LDLRAD4: variants seen among roughly 807,000 people sequenced by gnomAD.
The protein encoded by LDLRAD4 is low density lipoprotein receptor class A domain containing 4.
In LDLRAD4, 5 loss-of-function variants were observed where a neutral mutation model predicts 17.0. The ratio of observed to expected loss-of-function variants is 0.29; its 90% confidence interval spans 0.15 to 0.62. The LOEUF is 0.62. Among genes scored for constraint, LDLRAD4 ranks in the 20% least tolerant of loss-of-function variants. The pLI is 0.84. For synonymous variants in LDLRAD4, 168 were observed against 171.8 expected (o/e 0.98, Z 0.17); for missense variants, 340 against 424.7 (o/e 0.80, Z 1.75).
intron 2 of LDLRAD4, among the ~76,000 whole-genome samples, chr18:13,433,127 C>T (rs1171558285): frequency 6.6e-6 from 1 of 152,178 alleles, no homozygotes; most frequent in African/African-American, 2.4e-5. Flanking sequence ...TGTAAACTTA[C>T]ATTGTTTATG....
Position 13,404,515 on chromosome 18 carries a change from C to T in LDLRAD4, c.40+16753C>T, listed in dbSNP as rs148593215. Among the ~76,000 whole-genome samples, 146 of 152,224 alleles carry T rather than the reference C, an allele frequency of 9.6e-4. 5 individuals are homozygous for T. In the East Asian group the frequency reaches 0.023, roughly 24 times the overall value. On this transcript the variant is annotated intron_variant, in intron 2 of 5. Transcript: ENST00000359446. ...GTCGTTAAAAATTTATATTAAGATGCGGCCGGGCATGGTGGCTCATGCTTG... is the reference window on the plus strand; with the variant it reads ...GTCGTTAAAAATTTATATTAAGATGTGGCCGGGCATGGTGGCTCATGCTTG...
chr18:13,506,164 C>T (rs1568271544), intron 3 of LDLRAD4, among the ~76,000 whole-genome samples: 1 of 152,206 alleles, frequency 6.6e-6, no homozygotes, highest in African/African-American at 2.4e-5. Context: ...TTCCCCTGGG[C>T]GTGACAGGAG....
rs990044695 is a variant in LDLRAD4 at position 13,468,165 on chromosome 18, G to C, written c.181+29781G>C. Among the ~76,000 whole-genome samples the C allele has an allele frequency of 1.3e-4, 20 of 152,120 alleles. No individual in the cohort carries two copies. In the South Asian group the frequency reaches 1.5e-3, roughly 11 times the overall value. On this transcript the variant is annotated intron_variant, in intron 3 of 5. Coordinates refer to ENST00000359446, the Ensembl canonical transcript of LDLRAD4. Reference sequence around the variant, plus strand: ...TTGACTTTATCAAAATGAAAGACTTGTGTGCATCCAAAGACATTATTAAGA... The same window carrying C: ...TTGACTTTATCAAAATGAAAGACTTCTGTGCATCCAAAGACATTATTAAGA...
chr18:13,402,622 G>A (rs7236463), intron 2 of LDLRAD4, among the ~76,000 whole-genome samples: 2,206 of 152,238 alleles, frequency 0.014, 59 homozygotes, highest in African/African-American at 0.051. Context: ...TTTCTAACAC[G>A]TTGCATTTGT....
chr18:13,426,986 C>A (rs1334233785), intron 2 of LDLRAD4, among the ~76,000 whole-genome samples: 1 of 152,000 alleles, frequency 6.6e-6, no homozygotes, highest in African/African-American at 2.4e-5. Context: ...CAGATTGAGA[C>A]CATCCTGGCC....
intron 3 of LDLRAD4, among the ~76,000 whole-genome samples, chr18:13,481,867 CAG>C (rs5823252): frequency 0.95 from 144,693 of 152,062 alleles, 69,097 homozygotes; most frequent in Non-Finnish European, 1. Flanking sequence ...GAGGAAATGA[CAG>C]AGCGTGAGAG....
At chr18:13,610,571 G>GCCA (rs2039451644) in intron 3 of LDLRAD4, among the ~76,000 whole-genome samples, 1 of 152,054 alleles carries the variant, frequency 6.6e-6, no homozygotes, top group South Asian at 2.1e-4. Context: ...ACAGGCTTGA[G>GCCA]CCACCGTGCC....
chr18:13,524,119 G>A (rs1276971197), intron 3 of LDLRAD4, among the ~76,000 whole-genome samples: 2 of 152,214 alleles, frequency 1.3e-5, no homozygotes, highest in Non-Finnish European at 2.9e-5. Flanking sequence ...TCCAGGTCGG[G>A]ACCCCCGACT....
intron 3 of LDLRAD4, among the ~76,000 whole-genome samples, chr18:13,478,462 G>C (rs921388073): frequency 2.0e-5 from 3 of 152,150 alleles, no homozygotes; most frequent in African/African-American, 7.2e-5. Flanking sequence ...TCCTTGCTTG[G>C]CTTCACATTG....
At chr18:13,325,845 C>T (rs1049658221) in intron 1 of LDLRAD4, among the ~76,000 whole-genome samples, 3 of 152,084 alleles carry the variant, frequency 2.0e-5, no homozygotes, top group Admixed American at 6.5e-5. Context: ...CTCCCCCTCC[C>T]GGGTTCACGC....
chr18:13,635,309 CTCT>C (rs1466178837), intron 4 of LDLRAD4, among the ~76,000 whole-genome samples: 1 of 152,176 alleles, frequency 6.6e-6, no homozygotes, highest in Admixed American at 6.5e-5. Context: ...AGCCTCCAGC[CTCT>C]TCTTATAAGG....
chr18:13,346,565 TGG>T (rs2082702545), intron 1 of LDLRAD4, among the ~76,000 whole-genome samples: 1 of 152,176 alleles, frequency 6.6e-6, no homozygotes, highest in African/African-American at 2.4e-5. Context: ...TGATTTGGGG[TGG>T]AGAGTTCTGT....
intron 3 of LDLRAD4, chr18:13,488,718 C>T (rs964947383): frequency 5.9e-5 from 9 of 152,316 alleles, no homozygotes; most frequent in African/African-American, 1.4e-4. Flanking sequence ...TGCACGCTCA[C>T]GTGGGGCACA....
At chr18:13,417,252 T>C (rs1190258547) in intron 2 of LDLRAD4, among the ~76,000 whole-genome samples, 2 of 152,172 alleles carry the variant, frequency 1.3e-5, no homozygotes, top group African/African-American at 2.4e-5. Context: ...AAGAAGTATG[T>C]TTGCATAAGT....
At chr18:13,563,691 C>T (rs1288506349) in intron 3 of LDLRAD4, among the ~76,000 whole-genome samples, 7 of 152,096 alleles carry the variant, frequency 4.6e-5, no homozygotes, top group Admixed American at 1.3e-4. Flanking sequence ...CGGGAGGCTC[C>T]GTCCTTCTCA....
chr18:13,463,898 T>C (rs879800143), intron 3 of LDLRAD4, among the ~76,000 whole-genome samples: 2 of 152,248 alleles, frequency 1.3e-5, no homozygotes, highest in Non-Finnish European at 2.9e-5. Flanking sequence ...GGATAGTACT[T>C]CTCAGCCTTT....
At chr18:13,368,310 G>A (rs2084217408) in intron 1 of LDLRAD4, among the ~76,000 whole-genome samples, 1 of 152,074 alleles carries the variant, frequency 6.6e-6, no homozygotes, top group Non-Finnish European at 1.5e-5. Flanking sequence ...AAGAACAGAA[G>A]AGTCGGGGGC....
At chr18:13,377,203 A>G (rs2144997913) in intron 1 of LDLRAD4, among the ~76,000 whole-genome samples, 1 of 152,358 alleles carries the variant, frequency 6.6e-6, no homozygotes, top group Middle Eastern at 3.4e-3. Context: ...CATCAACGCC[A>G]GAGCCATCCT....
At chr18:13,564,842 G>C (rs2094580832) in intron 3 of LDLRAD4, among the ~76,000 whole-genome samples, 1 of 152,204 alleles carries the variant, frequency 6.6e-6, no homozygotes. Context: ...CTTTAGGCAT[G>C]ATTTAGATTG....
Sources: allele counts gnomAD v4.1 joint callset (sites outside exome capture counted in the v4.1 genomes callset), GRCh38; gene constraint gnomAD v4.1.1; transcripts MANE v1.5; gene names NCBI Gene and HGNC (gene_info 2026-07-23, HGNC 2026-07-21).